CALD1: variants seen among roughly 807,000 people sequenced by gnomAD.
CALD1 encodes caldesmon.
A neutral mutation model predicts 99.9 loss-of-function variants in CALD1; 33 were observed. The observed-to-expected ratio is 0.33, with a 90% CI of 0.25 to 0.44. CALD1 has a LOEUF of 0.44. Among genes scored for constraint, CALD1 ranks in the 20% least tolerant of loss-of-function variants. The probability of loss-of-function intolerance (pLI) is 1.00; values close to 1 mark genes in which losing one functional copy is unlikely to be tolerated. For synonymous variants in CALD1, 310 were observed against 325.0 expected, an observed-to-expected ratio of 0.95 and a Z score of 0.50; for missense variants, 861 against 962.1, an observed-to-expected ratio of 0.89 and a Z score of 1.39.
At chr7:134,951,242 T>C (rs1055541582) in intron 9 of CALD1, among the ~76,000 whole-genome samples, 6 of 152,228 alleles carry the variant, frequency 3.9e-5, no homozygotes, top group African/African-American at 1.4e-4. Context: ...TGTTGGACCA[T>C]AGCACCTCCT....
chr7:134,797,818 C>T (rs778831221), intron 1 of CALD1, among the ~76,000 whole-genome samples: 2 of 152,130 alleles, frequency 1.3e-5, no homozygotes, highest in African/African-American at 4.8e-5. Context: ...TCTCGATCTC[C>T]TGACCTCAGG....
At chr7:134,717,436 C>T in the CALD1 span, among the ~76,000 whole-genome samples, 1 of 152,180 alleles carries the variant, frequency 6.6e-6, no homozygotes, top group Non-Finnish European at 1.5e-5. Flanking sequence ...GGAATGAAAT[C>T]GGAACACATT....
chr7:134,711,660 C>CTATATATA, the CALD1 span, among the ~76,000 whole-genome samples: 13 of 78,348 alleles, frequency 1.7e-4, 1 homozygote, highest in African/African-American at 7.4e-4. Context: ...CTCTCTCTCT[C>CTATATATA]TATATATATA....
At chr7:134,931,131 G>C (rs1805492381) in intron 4 of CALD1, among the ~76,000 whole-genome samples, 1 of 151,798 alleles carries the variant, frequency 6.6e-6, no homozygotes, top group Non-Finnish European at 1.5e-5. Context: ...GTCTGAGAAT[G>C]TGTGATTTAT....
chr7:134,827,742 T>C (rs1799060871), intron 1 of CALD1, among the ~76,000 whole-genome samples: 1 of 152,184 alleles, frequency 6.6e-6, no homozygotes, highest in African/African-American at 2.4e-5. Flanking sequence ...TTGGGGAAGG[T>C]GATGGAGGGT....
intron 11 of CALD1, among the ~76,000 whole-genome samples, chr7:134,959,126 A>G (rs1366939448): frequency 6.6e-6 from 1 of 151,754 alleles, no homozygotes; most frequent in South Asian, 2.1e-4. Flanking sequence ...TTCTATTAAA[A>G]TATAAGCCCA....
At chr7:134,951,732 T>C (rs1038574797) in intron 9 of CALD1, among the ~76,000 whole-genome samples, 3 of 152,134 alleles carry the variant, frequency 2.0e-5, no homozygotes, top group African/African-American at 7.2e-5. Flanking sequence ...GATGATAGAA[T>C]AGTTGAGATG....
intron 2 of CALD1, among the ~76,000 whole-genome samples, chr7:134,857,263 G>A (rs1586125278): frequency 1.3e-5 from 2 of 148,474 alleles, no homozygotes; most frequent in Non-Finnish European, 3.0e-5. Context: ...CCGCCTCCCG[G>A]GTTCACGCCA....
Position 134,965,334 on chromosome 7 carries a change from A to G in CALD1, c.2324A>G (p.Lys775Arg), listed in dbSNP as rs775289180. The part of the protein sequence containing the change: ...SDLRPGDVSS[K>R]RNLWEKQSVD... ...TTGAGACCAGGAGACGTATCCAGCA[A>G]GCGGAACCTCTGGGAAAAGCAATCT... Residue 775 changes from lysine (K) to arginine (R), a missense_variant, in exon 14 of 15, where the codon AAG becomes AGG. Around this residue, in one of 5 missense-constraint regions of CALD1, gnomAD observed 190 missense variants for 249.0 expected, o/e 0.76. Coordinates refer to ENST00000361675, the MANE Select transcript of CALD1 (RefSeq NM_033138.4). The G allele has an allele frequency of 4.4e-6, 7 of 1,595,768 alleles. No individual in the cohort carries two copies. The highest frequency in any genetic ancestry group is 1.7e-4 in the Middle Eastern group (1 of 6,030).
intron 3 of CALD1, among the ~76,000 whole-genome samples, chr7:134,869,158 G>C (rs1420667455): frequency 2.6e-5 from 4 of 152,126 alleles, no homozygotes; most frequent in Non-Finnish European, 5.9e-5. Flanking sequence ...TTTCTTGGTG[G>C]AGGTGAGCCA....
intron 2 of CALD1, among the ~76,000 whole-genome samples, chr7:134,860,246 T>C (rs1281148132): frequency 6.6e-6 from 1 of 152,212 alleles, no homozygotes; most frequent in Non-Finnish European, 1.5e-5. Flanking sequence ...GTGCAAACTG[T>C]ACATTATAAT....
intron 6 of CALD1, among the ~76,000 whole-genome samples, chr7:134,938,037 C>T (rs1349270064): frequency 6.6e-6 from 1 of 152,116 alleles, no homozygotes; most frequent in African/African-American, 2.4e-5. Context: ...TCAATCCTGC[C>T]CAAACATTAG....
chr7:134,750,600 G>A (rs1796677999), intron 1 of CALD1, among the ~76,000 whole-genome samples: 1 of 151,850 alleles, frequency 6.6e-6, no homozygotes, highest in Admixed American at 6.6e-5. Context: ...TCCATTCCTA[G>A]CTATTAACAG....
intron 1 of CALD1, among the ~76,000 whole-genome samples, chr7:134,814,635 C>A (rs73724864): frequency 0.042 from 6,461 of 152,230 alleles, 444 homozygotes; most frequent in African/African-American, 0.14. Context: ...ATTCCTCTAA[C>A]CCTACGGAAG....
chr7:134,912,715 A>G lies in CALD1; in HGVS notation c.72-16039A>G, dbSNP rs920337311. 5.3e-5 allele frequency among the ~76,000 whole-genome samples: 8 copies of G among 152,232 alleles called. No homozygotes were observed. The East Asian group carries it at 1.3e-3, about 26-fold the overall frequency. ...CCACCTTGGAAACATTTTCTAATGT[A>G]TTTAAAAATCTCCCCAGTGAAGAAT... On this transcript the variant is annotated intron_variant, in intron 3 of 14. Transcript: ENST00000361675.
At chr7:134,864,599 C>T (rs779942735) in intron 2 of CALD1, among the ~76,000 whole-genome samples, 8 of 151,966 alleles carry the variant, frequency 5.3e-5, no homozygotes, top group Non-Finnish European at 1.0e-4. Context: ...GGGGTTTCAC[C>T]GTGTTGGCCA....
At chr7:134,900,085 T>C (rs1300483667) in intron 3 of CALD1, 1 of 152,210 alleles carries the variant, frequency 6.6e-6, no homozygotes, top group Admixed American at 6.5e-5. Flanking sequence ...AACAAAACTA[T>C]ATTCACTCCA....
the CALD1 span, among the ~76,000 whole-genome samples, chr7:134,721,597 G>A: frequency 2.6e-5 from 4 of 152,006 alleles, no homozygotes; most frequent in East Asian, 7.7e-4. Flanking sequence ...GTTTAGGGGA[G>A]GTGGGGGGGT....
At chr7:134,938,487 T>A (rs1323084606) in intron 6 of CALD1, among the ~76,000 whole-genome samples, 2 of 152,190 alleles carry the variant, frequency 1.3e-5, no homozygotes, top group African/African-American at 4.8e-5. Flanking sequence ...ATGTTATCTG[T>A]GTATGAAGCA....
Sources: allele counts gnomAD v4.1 joint callset (sites outside exome capture counted in the v4.1 genomes callset), GRCh38; gene constraint gnomAD v4.1.1; regional missense constraint gnomAD v4.1.1; transcripts MANE v1.5; gene names NCBI Gene and HGNC (gene_info 2026-07-23, HGNC 2026-07-21).